Variants in MPDZ observed in about 807,000 individuals in gnomAD.
The protein encoded by MPDZ is multiple PDZ domain protein.
In MPDZ, 234 loss-of-function variants were observed where a neutral mutation model predicts 239.1. The ratio of observed to expected loss-of-function variants is 0.98; its 90% confidence interval spans 0.88 to 1.09. The LOEUF is 1.09. Ranked by LOEUF, MPDZ falls within the 50% of genes least tolerant of loss-of-function variation. The pLI is 0.00. For synonymous variants in MPDZ, 1,048 were observed against 881.3 expected (o/e 1.19, Z -3.35); for missense variants, 3,175 against 2,510.0 (o/e 1.26, Z -5.66).
At chr9:13,229,376 G>C (rs762481155) in intron 3 of MPDZ, among the ~76,000 whole-genome samples, 26 of 151,844 alleles carry the variant, frequency 1.7e-4, no homozygotes, top group Non-Finnish European at 2.8e-4. Context: ...GCATATCATA[G>C]CAAAACAGCT....
intron 29 of MPDZ, 33 bp downstream of exon 29, chr9:13,137,924 A>C: frequency 6.2e-7 from 1 of 1,605,726 alleles, no homozygotes. Context: ...TTATAAAACA[A>C]GAATAAATTC....
intron 42 of MPDZ, 45 bp downstream of exon 42, chr9:13,112,966 C>A: frequency 6.6e-7 from 1 of 1,518,586 alleles, no homozygotes; most frequent in South Asian, 1.2e-5. Flanking sequence ...ATGAAGATGT[C>A]TCTTAAAACG....
At chr9:13,173,812 G>C (rs185998697) in intron 21 of MPDZ, among the ~76,000 whole-genome samples, 8 of 151,952 alleles carry the variant, frequency 5.3e-5, no homozygotes, top group Admixed American at 1.3e-4. Context: ...ACCAACCTAA[G>C]CTGAATGCTC....
At position 13,123,176 on chromosome 9, in the gene MPDZ, C is replaced by A. The variant is rs764834512; in HGVS notation, c.4930G>T (p.Val1644Phe). 3.1e-6 allele frequency: 5 copies of A among 1,612,588 alleles called. No homozygotes were observed. Among genetic ancestry groups the A allele is most frequent in the Non-Finnish European group, 1.7e-6 (2 of 1,179,628 alleles). Reference sequence around the variant, plus strand: ...ACCAGCAGCGTGTCTGAACCCCCAACGATGCTCAGGCCCAGCCCTGTTCGC... The same window carrying A: ...ACCAGCAGCGTGTCTGAACCCCCAAAGATGCTCAGGCCCAGCCCTGTTCGC... ...KGRTGLGLSI[V>F]GGSDTLLGAI... Residue 1644 changes from valine to phenylalanine, a missense_variant, in exon 36 of 47, where the codon GTT (valine) becomes TTT (phenylalanine). Transcript: ENST00000319217.
At chr9:13,261,004 C>G (rs1183332010) in intron 1 of MPDZ, among the ~76,000 whole-genome samples, 1 of 152,196 alleles carries the variant, frequency 6.6e-6, no homozygotes, top group Non-Finnish European at 1.5e-5. Flanking sequence ...CAGGGCTGGG[C>G]TCCCTAATTC....
chr9:13,258,221 G>A (rs543072039), intron 1 of MPDZ, among the ~76,000 whole-genome samples: 4 of 152,308 alleles, frequency 2.6e-5, no homozygotes, highest in South Asian at 2.1e-4. Context: ...GAGAATCAGC[G>A]TTTGAAACAT....
Position 13,183,605 on chromosome 9 carries a change from A to G in MPDZ, c.2482-20T>C, listed in dbSNP as rs759168048. 1.2e-6 allele frequency: 2 copies of G among 1,608,680 alleles called. No individual in the cohort carries two copies. Among genetic ancestry groups the G allele is most frequent in the East Asian group, 4.5e-5 (2 of 44,672 alleles). ...GCCCACCTAGAAACAAAACAATAAT[A>G]TCAGTTGGGAATTCTGTTCTATTAC... is the stretch of plus-strand genomic sequence containing the variant. On this transcript the variant is annotated intron_variant, in intron 18 of 46. Coordinates refer to ENST00000319217, the MANE Select transcript of MPDZ (RefSeq NM_001378778.1).
In MPDZ at chr9:13,224,710, C is replaced by G. The variant is rs568063420; in HGVS notation, c.184-127G>C. Reference sequence around the variant, plus strand: ...GTCCAAATCCTTTAATCCAGCAATTCTATTTTGGGAAATTTATTTCAAGGA... The same window carrying G: ...GTCCAAATCCTTTAATCCAGCAATTGTATTTTGGGAAATTTATTTCAAGGA... On this transcript the variant is annotated intron_variant, in intron 3 of 46. Transcript: ENST00000319217. The G allele has an allele frequency of 6.3e-4, 415 of 656,266 alleles. 13 individuals carry two copies. In the South Asian group the frequency reaches 9.6e-3, roughly 15 times the overall value. The allele number at this position is 656,266 out of a possible 1,614,324, so 40.7% of individuals were successfully genotyped here.
intron 3 of MPDZ, among the ~76,000 whole-genome samples, chr9:13,241,440 T>C (rs1965384897): frequency 6.6e-6 from 1 of 152,206 alleles, no homozygotes; most frequent in Admixed American, 6.5e-5. Flanking sequence ...TCTGTCCTCC[T>C]TCCCCTACCA....
At chr9:13,138,598 G>C (rs928648003) in intron 28 of MPDZ, among the ~76,000 whole-genome samples, 1 of 152,216 alleles carries the variant, frequency 6.6e-6, no homozygotes, top group Non-Finnish European at 1.5e-5. Context: ...TTGCTTGATA[G>C]ATATATGCAA....
At chr9:13,140,596 A>G (rs537399961) in intron 27 of MPDZ, among the ~76,000 whole-genome samples, 67 of 151,500 alleles carry the variant, frequency 4.4e-4, no homozygotes, top group Non-Finnish European at 8.2e-4. Context: ...ATAATTCACT[A>G]AACTTTTATT....
intron 19 of MPDZ, among the ~76,000 whole-genome samples, chr9:13,181,277 A>G (rs1953281949): frequency 6.6e-6 from 1 of 152,194 alleles, no homozygotes; most frequent in South Asian, 2.1e-4. Flanking sequence ...AAAGCCTTTA[A>G]GTACGCTCAC....
rs1942749402 is a variant in MPDZ at position 13,112,993 on chromosome 9, T to C, written c.5601+18A>G. The C allele has an allele frequency of 6.3e-7, 1 of 1,576,232 alleles. No individual in the cohort carries two copies. Among genetic ancestry groups the C allele is most frequent in the East Asian group, 2.3e-5 (1 of 43,932 alleles). On this transcript the variant is annotated intron_variant, in intron 42 of 46. Coordinates refer to ENST00000319217, the MANE Select transcript of MPDZ (RefSeq NM_001378778.1). ...CTTAAAACGCCAGGGTTTATATTGT[T>C]TTCTCTCCCCAAGTTACCTTTTTCA...
intron 1 of MPDZ, among the ~76,000 whole-genome samples, chr9:13,269,737 A>C (rs919169976): frequency 6.6e-6 from 1 of 152,202 alleles, no homozygotes; most frequent in Non-Finnish European, 1.5e-5. Context: ...TTACTGTCTA[A>C]ATCCGCTGAT....
At chr9:13,197,628 T>A (rs1955818557) in intron 12 of MPDZ, among the ~76,000 whole-genome samples, 1 of 152,088 alleles carries the variant, frequency 6.6e-6, no homozygotes, top group East Asian at 1.9e-4. Flanking sequence ...ATTCCAAATC[T>A]TCTTCCTATT....
intron 1 of MPDZ, among the ~76,000 whole-genome samples, chr9:13,277,520 AT>A (rs1284799663): frequency 6.6e-6 from 1 of 152,112 alleles, no homozygotes; most frequent in African/African-American, 2.4e-5. Flanking sequence ...GTATTAGAAG[AT>A]CAAGTCAAGG....
chr9:13,226,566 T>G (rs1960679305), intron 3 of MPDZ, among the ~76,000 whole-genome samples: 1 of 152,116 alleles, frequency 6.6e-6, no homozygotes, highest in African/African-American at 2.4e-5. Context: ...GCTTCCTTAT[T>G]TCATTCAGGT....
intron 42 of MPDZ, among the ~76,000 whole-genome samples, chr9:13,112,544 G>C (rs979937131): frequency 3.9e-5 from 6 of 152,162 alleles, no homozygotes; most frequent in African/African-American, 1.2e-4. Context: ...ACAAAATGGA[G>C]ACAACAGTGC....
intron 40 of MPDZ, among the ~76,000 whole-genome samples, chr9:13,114,591 TAA>T (rs1349123653): frequency 6.6e-6 from 1 of 152,192 alleles, no homozygotes; most frequent in East Asian, 1.9e-4. Flanking sequence ...GATGTTGCTA[TAA>T]AATATTTTTA....
Sources: allele counts gnomAD v4.1 joint callset (sites outside exome capture counted in the v4.1 genomes callset), GRCh38; gene constraint gnomAD v4.1.1; transcripts MANE v1.5; gene names NCBI Gene and HGNC (gene_info 2026-07-23, HGNC 2026-07-21).